Variants in EPHB6 observed in about 807,000 individuals in gnomAD.
EPHB6 encodes ephrin type-B receptor 6.
EPHB6 carries 51 observed loss-of-function variants against 107.0 expected under a neutral mutation model. The ratio of observed to expected loss-of-function variants is 0.48; its 90% CI spans 0.38 to 0.60. The LOEUF (loss-of-function observed/expected upper bound fraction) is 0.60, where lower values mean the gene tolerates loss of function less well. EPHB6 is among the 20% of genes least tolerant of loss of function. EPHB6 has a pLI of 0.00. For missense variants in EPHB6, 1,141 were observed against 1,355.5 expected (o/e 0.84, Z 2.48); for synonymous variants, 553 against 549.0 (o/e 1.01, Z -0.10).
rs2116420541 is a variant in EPHB6, at chr7:142,864,311, TCC to T, written c.512_513del (p.Ser171PhefsTer153). 34 of 1,613,188 alleles carry T rather than the reference TCC, an allele frequency of 2.1e-5. No individual in the cohort carries two copies. In the East Asian group the frequency reaches 6.0e-4, roughly 29 times the overall value. On this transcript the variant is annotated frameshift_variant, in exon 7 of 20. Transcript: ENST00000652003. LOFTEE classifies it high-confidence loss of function. The stretch of plus-strand genomic sequence containing the variant: ...GAGCTTTCCCTCCTCCTCCTCCTCC[TCC>T]TCCTCCTCTTCTTCCTCTGCAGCGT... ...DESFPSSSSS[S>X]SSSSSSAAWA...
In EPHB6 at chr7:142,863,145, C is replaced by T. The variant is rs542585187; in HGVS notation, c.-83C>T. Reference sequence around the variant, plus strand: ...TCCTCAGGAAGCAAGCTTAGCTGTACACCCTGAGTCTTGCAAAAGCTGCAG... The same window carrying T: ...TCCTCAGGAAGCAAGCTTAGCTGTATACCCTGAGTCTTGCAAAAGCTGCAG... On this transcript the variant is annotated 5_prime_UTR_variant, in exon 5 of 20. Coordinates refer to ENST00000652003, the MANE Select transcript of EPHB6 (RefSeq NM_004445.6). 15 of 1,176,440 alleles carry T rather than the reference C, an allele frequency of 1.3e-5. No homozygotes were observed. The highest frequency in any genetic ancestry group is 1.9e-5 in the Non-Finnish European group (15 of 798,608). The allele number at this position is 1,176,440 out of a possible 1,614,324, so 72.9% of individuals were successfully genotyped here.
chr7:142,859,933 G>A (rs918580260), intron 1 of EPHB6, among the ~76,000 whole-genome samples: 3 of 152,128 alleles, frequency 2.0e-5, no homozygotes, highest in African/African-American at 4.8e-5. Context: ...GGCCAGCTTC[G>A]TGTTGTCATT....
rs1205288682 is a variant in EPHB6, at chr7:142,866,536, G to A, written c.1518G>A (p.Thr506=). 1.9e-6 allele frequency: 3 copies of A among 1,614,156 alleles called. No individual in the cohort carries two copies. The highest frequency in any genetic ancestry group is 1.7e-5 in the Admixed American group (1 of 60,020). ...HQVSRASNSI[T]VSWPQPDQTN... is the part of the protein sequence containing the mutation. ...TGAGCCGGGCATCCAACAGCATCAC[G>A]GTGTCCTGGCCGCAGCCCGACCAGA... The change falls in exon 10 of 20, where the codon ACG becomes ACA. Residue 506 remains threonine, a synonymous_variant. Transcript: ENST00000652003. This position sits in a 1 kb window ranked among gnomAD's most constrained non-coding sequence, Gnocchi z 5.2.
chr7:142,858,602 A>ATTTTTTTTTTTT (rs58084930), intron 1 of EPHB6, among the ~76,000 whole-genome samples: 3 of 130,052 alleles, frequency 2.3e-5, no homozygotes, highest in Non-Finnish European at 4.8e-5. Flanking sequence ...CGCCCAGCTA[A>ATTTTTTTTTTTT]TTTTTTTTTT....
chr7:142,861,820 A>C (rs529186450), intron 2 of EPHB6, among the ~76,000 whole-genome samples, 197 bp from the exon 3 acceptor site: 73 of 152,364 alleles, frequency 4.8e-4, no homozygotes, highest in African/African-American at 1.6e-3. Flanking sequence ...CTTACAATGT[A>C]GTTGCTGGAA....
Position 142,863,269 on chromosome 7 carries a change from G to A in EPHB6, c.42G>A (p.Ala14=), listed in dbSNP as rs762187458. 5.0e-6 allele frequency: 8 copies of A among 1,613,770 alleles called. No homozygotes were observed. Among genetic ancestry groups the A allele is most frequent in the Admixed American group, 1.7e-5 (1 of 59,992 alleles). Residue 14 remains alanine, a synonymous_variant, in exon 5 of 20, where the codon GCG becomes GCA. Transcript: ENST00000652003. ...EGAAQLGNRV[A]GMVCSLWVLL... is the part of the protein sequence containing the mutation. ...CTGCCCAGTTAGGGAACAGAGTGGC[G>A]GGCATGGTGTGTAGCCTATGGGTGC...
chr7:142,871,054 C>A lies in EPHB6; in HGVS notation c.*150C>A. 1.3e-6 allele frequency: 1 copy of A among 758,106 alleles called. No individual in the cohort carries two copies. Among genetic ancestry groups the A allele is most frequent in the Non-Finnish European group, 2.3e-6 (1 of 442,650 alleles). The allele number at this position is 758,106 out of a possible 1,614,324, so 47.0% of individuals were successfully genotyped here. A position where few individuals can be genotyped will look rare whatever the true frequency, so the allele number is the denominator to read the frequency against. On this transcript the variant is annotated 3_prime_UTR_variant, in exon 20 of 20. Transcript: ENST00000652003. ...CATTCCCTGGTCCTCCGCCTCTCCA[C>A]CAGCCCCCTCCTCATTAAAGGGAAA...
At chr7:142,863,359 C>A in intron 5 of EPHB6, 32 bp downstream of exon 5, 2 of 1,595,658 alleles carry the variant, frequency 1.3e-6, no homozygotes, top group Non-Finnish European at 1.7e-6. Flanking sequence ...AGAACCCAGA[C>A]CTGCCATAGA....
In EPHB6 at chr7:142,864,370, G is replaced by A; in HGVS notation, c.570G>A (p.Arg190=). ...WAVGPHGAGQ[R]AGLQLNVKER... is the part of the protein sequence containing the mutation. The stretch of plus-strand genomic sequence containing the variant: ...TGGGACCCCACGGGGCTGGGCAGCG[G>A]GCTGGACTGCAACTGAACGTCAAAG... The change falls in exon 7 of 20, where the codon CGG becomes CGA. Residue 190 remains arginine (R), a synonymous_variant. Coordinates refer to ENST00000652003, the MANE Select transcript of EPHB6 (RefSeq NM_004445.6). 1 of 1,613,314 alleles carries A rather than the reference G, an allele frequency of 6.2e-7. No homozygotes were observed. Among genetic ancestry groups the A allele is most frequent in the Non-Finnish European group, 8.5e-7 (1 of 1,179,998 alleles).
At chr7:142,857,084 G>A (rs566653112) in intron 1 of EPHB6, among the ~76,000 whole-genome samples, 4 of 152,134 alleles carry the variant, frequency 2.6e-5, no homozygotes, top group South Asian at 2.1e-4. Context: ...CATGTCCCCG[G>A]TCAGTGCACA....
At position 142,868,284 on chromosome 7, in the gene EPHB6, C is replaced by A; in HGVS notation, c.1962C>A (p.Asp654Glu). ...KYYIDPSTYE[D>E]PCQAIRELAR... ...ACATCGACCCCTCCACCTACGAGGA[C>A]CCCTGTCAGGCCATCCGAGAACTTG... Residue 654 changes from aspartate (D) to glutamate (E), a missense_variant, in exon 14 of 20, where the codon GAC (aspartate) becomes GAA (glutamate). Coordinates refer to ENST00000652003, the MANE Select transcript of EPHB6 (RefSeq NM_004445.6). The surrounding 1 kb of genome is among the most constrained non-coding windows in gnomAD (Gnocchi z 4.2). 3.7e-6 allele frequency: 6 copies of A among 1,614,182 alleles called. No homozygotes were observed. Among genetic ancestry groups the A allele is most frequent in the Non-Finnish European group, 5.1e-6 (6 of 1,180,016 alleles).
rs1022347579 is a variant in EPHB6, at chr7:142,868,384, T to A, written c.2038+24T>A. The A allele has an allele frequency of 1.5e-5, 24 of 1,613,730 alleles. No homozygotes were observed. The highest frequency in any genetic ancestry group is 1.9e-5 in the Non-Finnish European group (22 of 1,179,864). On this transcript the variant is annotated intron_variant, in intron 14 of 19. Transcript: ENST00000652003. This position sits in a 1 kb window ranked among gnomAD's most constrained non-coding sequence, Gnocchi z 4.2. Reference sequence around the variant, plus strand: ...AGGTACAGCAGGGCCAAAGCAGGGATCAGAGCGACGGGGCTCCCTTGTGGC... The same window carrying A: ...AGGTACAGCAGGGCCAAAGCAGGGAACAGAGCGACGGGGCTCCCTTGTGGC...
rs1410080371 is a variant in EPHB6, at chr7:142,866,637, G to C, written c.1587+32G>C. The C allele has an allele frequency of 6.2e-7, 1 of 1,613,638 alleles. No individual in the cohort carries two copies. Among genetic ancestry groups the C allele is most frequent in the Non-Finnish European group, 8.5e-7 (1 of 1,180,008 alleles). On this transcript the variant is annotated intron_variant, in intron 10 of 19. Coordinates refer to ENST00000652003, the MANE Select transcript of EPHB6 (RefSeq NM_004445.6). This position sits in a 1 kb window ranked among gnomAD's most constrained non-coding sequence, Gnocchi z 5.2. Reference sequence around the variant, plus strand: ...AGGAGGAGTGGGGGTTCCGCAGTAGGGCTGGTAGGAGCTCATAGGCCTCAC... The same window carrying C: ...AGGAGGAGTGGGGGTTCCGCAGTAGCGCTGGTAGGAGCTCATAGGCCTCAC...
chr7:142,862,595 TC>T (rs1435927131), intron 3 of EPHB6, among the ~76,000 whole-genome samples, 160 bp from the exon 4 acceptor site: 3 of 152,080 alleles, frequency 2.0e-5, no homozygotes, highest in Non-Finnish European at 2.9e-5. Context: ...TCTTCCTGTG[TC>T]CCTCCCGCTT....
rs1385017811 is a variant in EPHB6 at position 142,863,328 on chromosome 7, G to T, written c.100+1G>T. ...GTGTCTTCAGTTCTGGCTCTGGAAG[G>T]TAAGAGGGAGGGGAGACAGGAGAAC... On this transcript the variant is annotated splice_donor_variant, in intron 5 of 19. Coordinates refer to ENST00000652003, the MANE Select transcript of EPHB6 (RefSeq NM_004445.6). LOFTEE classifies it high-confidence loss of function. 2 of 1,613,884 alleles carry T rather than the reference G, an allele frequency of 1.2e-6. No individual in the cohort carries two copies. Among genetic ancestry groups the T allele is most frequent in the Non-Finnish European group, 1.7e-6 (2 of 1,179,854 alleles).
In EPHB6 at chr7:142,866,966, C is replaced by G. The variant is rs534698112; in HGVS notation, c.1648C>G (p.Gln550Glu). Reference protein sequence around the residue: ...TSETNTATVTQLSPGHIYGFQ... With the variant: ...TSETNTATVTELSPGHIYGFQ... ...CGAGACCAACACTGCCACCGTGACA[C>G]AGCTGAGCCCTGGCCACATCTATGG... is the stretch of plus-strand genomic sequence containing the variant. The change falls in exon 11 of 20, where the codon CAG (glutamine) becomes GAG (glutamate). Residue 550 changes from glutamine (Q) to glutamate (E), a missense_variant. Physicochemically the swap from Gln to Glu is conservative, Grantham distance 29. Transcript: ENST00000652003. This position sits in a 1 kb window ranked among gnomAD's most constrained non-coding sequence, Gnocchi z 5.2. 9 of 1,614,146 alleles carry G rather than the reference C, an allele frequency of 5.6e-6. No homozygotes were observed. The highest frequency in any genetic ancestry group is 5.5e-5 in the South Asian group (5 of 91,074).
Position 142,864,466 on chromosome 7 carries a change from C to G in EPHB6, c.666C>G (p.Ala222=). 6.2e-7 allele frequency: 1 copy of G among 1,613,154 alleles called. No individual in the cohort carries two copies. The highest frequency in any genetic ancestry group is 1.7e-4 in the Middle Eastern group (1 of 6,060). The change falls in exon 7 of 20, where the codon GCC becomes GCG. Residue 222 remains alanine (A), a synonymous_variant. Coordinates refer to ENST00000652003, the MANE Select transcript of EPHB6 (RefSeq NM_004445.6). The part of the protein sequence containing the change: ...VAFQDTGACL[A]LVAVRLFSYT... Reference sequence around the variant, plus strand: ...TCCAGGACACGGGGGCCTGCCTGGCCCTGGTCGCTGTCAGGCTCTTCTCCT... The same window carrying G: ...TCCAGGACACGGGGGCCTGCCTGGCGCTGGTCGCTGTCAGGCTCTTCTCCT...
chr7:142,864,046 A>G lies in EPHB6; in HGVS notation c.246A>G (p.Pro82=), dbSNP rs768902019. 1 of 1,614,080 alleles carries G rather than the reference A, an allele frequency of 6.2e-7. No individual in the cohort carries two copies. The highest frequency in any genetic ancestry group is 1.7e-5 in the Admixed American group (1 of 60,032). ...FEACHVAGAP[P]GTGQDNWLQT... ...CATGTCATGTGGCAGGGGCCCCTCC[A>G]GGCACCGGGCAGGACAATTGGTTGC... The change falls in exon 7 of 20, where the codon CCA becomes CCG. Residue 82 remains proline, a synonymous_variant. Transcript: ENST00000652003.
chr7:142,865,894 C>A, intron 8 of EPHB6, 66 bp from the exon 9 acceptor site: 1 of 1,537,488 alleles, frequency 6.5e-7, no homozygotes, highest in Non-Finnish European at 9.0e-7. Flanking sequence ...CTGGCTCCTT[C>A]CTTCCTCAAT....
Sources: gnomAD v4.1 joint callset for allele counts (sites outside exome capture counted in the v4.1 genomes callset) on GRCh38, gnomAD v4.1.1 for gene constraint, Gnocchi (gnomAD v3.1) non-coding constraint, MANE v1.5 for transcripts, NCBI Gene and HGNC (gene_info 2026-07-23, HGNC 2026-07-21) for gene names.